Variants in VIM observed in about 807,000 individuals in gnomAD.
VIM encodes the protein vimentin.
A neutral mutation model predicts 50.3 loss-of-function variants in VIM; 18 were observed. That is an observed-to-expected ratio of 0.36 (90% CI 0.25 to 0.53). The LOEUF is 0.53. VIM is among the 20% of genes least tolerant of loss of function. The pLI, the probability that VIM is intolerant of heterozygous loss-of-function variation, is 0.91. For missense variants in VIM, 551 were observed against 614.7 expected (o/e 0.90, Z 1.10); for synonymous variants, 245 against 248.5 (o/e 0.99, Z 0.13).
At chr10:17,234,399 G>A (rs780576679) in intron 5 of VIM, among the ~76,000 whole-genome samples, 6 of 152,008 alleles carry the variant, frequency 3.9e-5, no homozygotes, top group African/African-American at 4.8e-5. Context: ...ACAGGCATGC[G>A]CCACCACGCC....
At position 17,233,950 on chromosome 10, in the gene VIM, C is replaced by G; in HGVS notation, c.882+19C>G. The G allele has an allele frequency of 6.2e-7, 1 of 1,604,204 alleles. No individual in the cohort carries two copies. The highest frequency in any genetic ancestry group is 1.7e-5 in the Admixed American group (1 of 58,006). On this transcript the variant is annotated intron_variant, in intron 5 of 9. Coordinates refer to ENST00000544301, the MANE Select transcript of VIM (RefSeq NM_003380.5). ...ATCCAAGGTAGGAAACAAATCAGTG[C>G]GGCTTCAACCAAAGAAAAGCATTGT...
At position 17,231,312 on chromosome 10, in the gene VIM, C is replaced by T. The variant is rs577903256; in HGVS notation, c.624+602C>T. 6.8e-4 allele frequency among the ~76,000 whole-genome samples: 103 copies of T among 151,866 alleles called. 2 individuals carry two copies. The South Asian group carries it at 0.021, about 31-fold the overall frequency. On this transcript the variant is annotated intron_variant, in intron 3 of 9. Coordinates refer to ENST00000544301, the MANE Select transcript of VIM (RefSeq NM_003380.5). Reference sequence around the variant, plus strand: ...CAAATTCTATTGTGTCATTAAAGTTCGATGGAAGTATCACTATGCACAACT... The same window carrying T: ...CAAATTCTATTGTGTCATTAAAGTTTGATGGAAGTATCACTATGCACAACT...
rs765564921 is a variant in VIM, at chr10:17,236,351, T to A, written c.1331T>A (p.Ile444Asn). 1.9e-6 allele frequency: 3 copies of A among 1,613,640 alleles called. No homozygotes were observed. ...VDTHSKRTLL[I>N]KTVETRDGQV... ...ACCCACTCAAAAAGGACACTTCTGA[T>A]TAAGACGGTTGAAACTAGAGATGGA... Residue 444 changes from isoleucine to asparagine, a missense_variant, in exon 9 of 10, where the codon ATT (isoleucine) becomes AAT (asparagine). Coordinates refer to ENST00000544301, the MANE Select transcript of VIM (RefSeq NM_003380.5).
rs1588732106 is a variant in VIM, at chr10:17,229,979, G to A, written c.557G>A (p.Arg186Gln). The A allele has an allele frequency of 6.2e-7, 1 of 1,610,512 alleles. No individual in the cohort carries two copies. The part of the protein sequence containing the change: ...DNLAEDIMRL[R>Q]EKLQEEMLQR... ...CTGGCCGAGGACATCATGCGCCTCC[G>A]GGAGAAGTAAGGCTGCGCCCATGCA... Residue 186 changes from arginine (R) to glutamine (Q), a missense_variant, in exon 2 of 10, where the codon CGG (arginine) becomes CAG (glutamine). This residue lies in a region of VIM where 394 missense variants were observed against 437.5 expected (regional missense o/e 0.90). Transcript: ENST00000544301.
At chr10:17,231,331 C>T (rs1387819215) in intron 3 of VIM, among the ~76,000 whole-genome samples, 1 of 145,566 alleles carries the variant, frequency 6.9e-6, no homozygotes, top group African/African-American at 2.4e-5. Flanking sequence ...TATCACTATG[C>T]ACAACTATTT....
intron 6 of VIM, 106 bp from the exon 7 acceptor site, chr10:17,235,063 G>A (rs1371325236): frequency 7.4e-6 from 10 of 1,349,022 alleles, no homozygotes; most frequent in African/African-American, 5.8e-5. Flanking sequence ...TAGAGTGGTC[G>A]CCATTTGCCG....
chr10:17,233,851 G>T lies in VIM; in HGVS notation c.802G>T (p.Ala268Ser). 6.2e-7 allele frequency: 1 copy of T among 1,614,180 alleles called. No homozygotes were observed. Among genetic ancestry groups the T allele is most frequent in the Non-Finnish European group, 8.5e-7 (1 of 1,180,038 alleles). The change falls in exon 5 of 10, where the codon GCC becomes TCC. Residue 268 changes from alanine to serine, a missense_variant. Physicochemically the swap from Ala to Ser is moderately conservative, Grantham distance 99. Transcript: ENST00000544301. Reference sequence around the variant, plus strand: ...TGTTTCCAAGCCTGACCTCACGGCTGCCCTGCGTGACGTACGTCAGCAATA... The same window carrying T: ...TGTTTCCAAGCCTGACCTCACGGCTTCCCTGCGTGACGTACGTCAGCAATA... ...VDVSKPDLTAALRDVRQQYES... is the reference protein window; with the variant it reads ...VDVSKPDLTASLRDVRQQYES...
chr10:17,232,142 T>G (rs550337411), intron 3 of VIM, among the ~76,000 whole-genome samples: 1 of 152,342 alleles, frequency 6.6e-6, no homozygotes, highest in East Asian at 1.9e-4. Context: ...GAATACCACA[T>G]TGATCTTTCT....
chr10:17,236,006 A>G, intron 8 of VIM, 117 bp downstream of exon 8: 2 of 1,148,102 alleles, frequency 1.7e-6, no homozygotes, highest in South Asian at 1.3e-5. Flanking sequence ...AGAAAACTCT[A>G]TAAAACATCT....
intron 3 of VIM, 194 bp downstream of exon 3, chr10:17,230,904 A>ATTTTT: frequency 8.6e-6 from 4 of 463,586 alleles, no homozygotes; most frequent in African/African-American, 6.5e-5. Context: ...CCCTTGAGCG[A>ATTTTT]TTTTTTTTTT....
chr10:17,228,661 A>G (rs937490394), intron 1 of VIM, 137 bp downstream of exon 1: 6 of 151,754 alleles, frequency 4.0e-5, no homozygotes, highest in African/African-American at 9.7e-5. Flanking sequence ...CCTCCCCCCA[A>G]CATCTCTCCG....
intron 2 of VIM, 95 bp from the exon 3 acceptor site, chr10:17,230,555 C>G: frequency 7.1e-7 from 1 of 1,400,074 alleles, no homozygotes; most frequent in South Asian, 1.2e-5. Context: ...CGCAGCTGCT[C>G]TGGAGGCGCA....
intron 2 of VIM, 152 bp from the exon 3 acceptor site, chr10:17,230,498 G>A: frequency 1.1e-6 from 1 of 902,196 alleles, no homozygotes; most frequent in Non-Finnish European, 1.9e-6. Flanking sequence ...GAAACCTGCC[G>A]AGGGCAGCAG....
chr10:17,236,221 C>A (rs1846887174), intron 8 of VIM, 73 bp from the exon 9 acceptor site: 3 of 1,145,000 alleles, frequency 2.6e-6, no homozygotes, highest in Middle Eastern at 2.0e-4. Flanking sequence ...ATAATTGTTT[C>A]AGTAAAATGG....
chr10:17,230,423 G>T (rs1846767277), intron 2 of VIM: 1 of 618,438 alleles, frequency 1.6e-6, no homozygotes, highest in Non-Finnish European at 2.9e-6. Flanking sequence ...GGGGATGGCG[G>T]GGCTGTCCTG....
At chr10:17,232,812 C>A (rs1270549898) in intron 3 of VIM, among the ~76,000 whole-genome samples, 2 of 152,206 alleles carry the variant, frequency 1.3e-5, no homozygotes, top group Admixed American at 1.3e-4. Context: ...AGTTTCTGTT[C>A]TCCATGTACT....
At chr10:17,232,743 C>T (rs1846818344) in intron 3 of VIM, among the ~76,000 whole-genome samples, 1 of 152,090 alleles carries the variant, frequency 6.6e-6, no homozygotes, top group South Asian at 2.1e-4. Flanking sequence ...GCTTTGGAGC[C>T]TAAGGATAAG....
chr10:17,235,919 C>T (rs746789082), intron 8 of VIM, 30 bp downstream of exon 8: 32 of 1,601,458 alleles, frequency 2.0e-5, no homozygotes, highest in African/African-American at 8.0e-5. Flanking sequence ...TTAGGAAAAA[C>T]GTCAGCTGCT....
intron 5 of VIM, chr10:17,234,235 C>A (rs1358249184): frequency 8.0e-6 from 3 of 376,586 alleles, no homozygotes; most frequent in Non-Finnish European, 1.5e-5. Flanking sequence ...CCTGCCTCAG[C>A]CCCCTAAGAG....
Sources: allele counts gnomAD v4.1 joint callset (sites outside exome capture counted in the v4.1 genomes callset), GRCh38; gene constraint gnomAD v4.1.1; regional missense constraint gnomAD v4.1.1; transcripts MANE v1.5; gene names NCBI Gene and HGNC (gene_info 2026-07-23, HGNC 2026-07-21).